Variants in STON2 observed in about 807,000 individuals in gnomAD.
The protein encoded by STON2 is stonin 2, also known as stonin-2.
STON2 carries 29 observed loss-of-function variants against 65.7 expected under a neutral mutation model. That is an observed-to-expected ratio of 0.44 (90% CI 0.33 to 0.60). STON2 has a LOEUF of 0.60. STON2 is among the 20% of genes least tolerant of loss of function. The pLI, the probability that STON2 is intolerant of heterozygous loss-of-function variation, is 0.03. For missense variants in STON2, 1,054 were observed against 1,118.1 expected (o/e 0.94, Z 0.82); for synonymous variants, 404 against 414.2 (o/e 0.98, Z 0.30).
chr14:81,302,987 G>T (rs879353004), intron 5 of STON2, among the ~76,000 whole-genome samples: 5 of 152,068 alleles, frequency 3.3e-5, no homozygotes, highest in African/African-American at 7.2e-5. Flanking sequence ...TTGCTGAGTT[G>T]ATTGCTTTTG....
At chr14:81,360,019 AGG>A (rs1235858275) in intron 4 of STON2, among the ~76,000 whole-genome samples, 6 of 152,188 alleles carry the variant, frequency 3.9e-5, no homozygotes, top group African/African-American at 1.4e-4. Context: ...CATTCCTGGG[AGG>A]TTGAGGCTGC....
intron 4 of STON2, among the ~76,000 whole-genome samples, chr14:81,351,583 G>T (rs1340175423): frequency 6.6e-6 from 1 of 152,204 alleles, no homozygotes; most frequent in African/African-American, 2.4e-5. Context: ...GGATAAAAAT[G>T]GAGTTATTAA....
At chr14:81,399,989 C>T (rs1468921786) in intron 1 of STON2, among the ~76,000 whole-genome samples, 2 of 152,174 alleles carry the variant, frequency 1.3e-5, no homozygotes, top group Non-Finnish European at 2.9e-5. Context: ...TCTTCTGCAG[C>T]CAAAACACTC....
rs1894209814 is a variant in STON2, at chr14:81,262,968, C to A, written c.*5446G>T. Reference sequence around the variant, plus strand: ...GGTTTGTGGGGAATTAGCACTTAGACCTTGGTAATGTTTAGAAATCATCTT... The same window carrying A: ...GGTTTGTGGGGAATTAGCACTTAGAACTTGGTAATGTTTAGAAATCATCTT... On this transcript the variant is annotated 3_prime_UTR_variant, in exon 8 of 8. Coordinates refer to ENST00000614646, the MANE Select transcript of STON2 (RefSeq NM_001394390.1). 1.0e-6 allele frequency: 1 copy of A among 985,240 alleles called. No homozygotes were observed. Among genetic ancestry groups the A allele is most frequent in the Non-Finnish European group, 1.2e-6 (1 of 829,826 alleles). 61.0% of individuals were successfully genotyped at this position (985,240 alleles called of 1,614,324 possible).
At chr14:81,340,867 T>C (rs1317411949) in intron 4 of STON2, among the ~76,000 whole-genome samples, 9 of 151,356 alleles carry the variant, frequency 5.9e-5, no homozygotes, top group Non-Finnish European at 1.3e-4. Flanking sequence ...TATCAATATA[T>C]ACTATATAGA....
chr14:81,436,116 A>G (rs1347353110), intron 1 of STON2: 1 of 151,436 alleles, frequency 6.6e-6, no homozygotes, highest in African/African-American at 2.4e-5. Flanking sequence ...GTCCTCCCCC[A>G]CCCCGGGACG....
chr14:81,398,681 T>C (rs538002642), intron 1 of STON2, 101 bp from the exon 2 acceptor site: 4 of 250,280 alleles, frequency 1.6e-5, no homozygotes, highest in Non-Finnish European at 2.3e-5. Flanking sequence ...ACAAGAAGGC[T>C]TGGGGTGGTT....
At chr14:81,320,024 T>G (rs980680673) in intron 5 of STON2, among the ~76,000 whole-genome samples, 1 of 152,162 alleles carries the variant, frequency 6.6e-6, no homozygotes, top group East Asian at 1.9e-4. Flanking sequence ...AGTCTATGGA[T>G]CTGGATGGAT....
In STON2 at chr14:81,277,741, T is replaced by G; in HGVS notation, c.1741A>C (p.Arg581=). The change falls in exon 6 of 8, where the codon AGG becomes CGG. Residue 581 remains arginine, a synonymous_variant. Transcript: ENST00000614646. The part of the protein sequence containing the change: ...PKPAVAHTAE[R]EQVIKLGTTN... ...GTGCCCAGCTTAATCACCTGTTCCC[T>G]CTCTGCTGTGTGGGCCACAGCAGGT... The G allele has an allele frequency of 6.2e-7, 1 of 1,614,210 alleles. No individual in the cohort carries two copies. The highest frequency in any genetic ancestry group is 1.3e-5 in the African/African-American group (1 of 75,064).
In STON2 at chr14:81,267,980, T is replaced by C. The variant is rs1253135318; in HGVS notation, c.*434A>G. The C allele has an allele frequency of 1.7e-5, 17 of 986,690 alleles. No homozygotes were observed. Among genetic ancestry groups the C allele is most frequent in the Non-Finnish European group, 1.9e-5 (16 of 830,826 alleles). 61.1% of individuals were successfully genotyped at this position (986,690 alleles called of 1,614,324 possible). ...AGAGTGAAAGAGATGGATTCTTAAT[T>C]AACTTCTCAAGACTGCCTTTGCCAG... On this transcript the variant is annotated 3_prime_UTR_variant, in exon 8 of 8. Transcript: ENST00000614646.
rs568683382 is a variant in STON2 at position 81,427,071 on chromosome 14, A to G, written c.-199+31T>C. ...TAGGTTCCCTTTACAGAGATAAGGAAACTGAGGCTCAGGGAGATTAAATAG... is the reference window on the plus strand; with the variant it reads ...TAGGTTCCCTTTACAGAGATAAGGAGACTGAGGCTCAGGGAGATTAAATAG... On this transcript the variant is annotated intron_variant, in intron 2 of 8. Transcript: ENST00000553821. 4 of 152,328 alleles carry G rather than the reference A, an allele frequency of 2.6e-5. 1 individual carries two copies. The highest frequency in any genetic ancestry group is 9.6e-5 in the African/African-American group (4 of 41,580). The allele number at this position is 152,328 out of a possible 1,614,324, so 9.4% of individuals were successfully genotyped here. A position where few individuals can be genotyped will look rare whatever the true frequency, so the allele number is the denominator to read the frequency against.
In STON2 at chr14:81,319,316, A is replaced by AT. The variant is rs951342891; in HGVS notation, c.742+4700dup. 5.2e-3 allele frequency among the ~76,000 whole-genome samples: 776 copies of AT among 150,580 alleles called. 4 individuals are homozygous for AT. Among genetic ancestry groups the AT allele is most frequent in the African/African-American group, 0.017 (704 of 41,054 alleles). ...CTACATTATAAGTAATTTATACCTG[A>AT]TTTTTTTTTTCAATTGACTCTAAGA... On this transcript the variant is annotated intron_variant, in intron 5 of 7. Coordinates refer to ENST00000614646, the MANE Select transcript of STON2 (RefSeq NM_001394390.1).
intron 4 of STON2, among the ~76,000 whole-genome samples, chr14:81,364,947 C>T (rs1211052827): frequency 2.0e-5 from 3 of 152,136 alleles, no homozygotes; most frequent in African/African-American, 7.2e-5. Flanking sequence ...AATGTGTGTG[C>T]TGAGCTAATG....
intron 1 of STON2, among the ~76,000 whole-genome samples, chr14:81,433,993 C>A (rs1180474154): frequency 6.6e-6 from 1 of 152,150 alleles, no homozygotes; most frequent in Non-Finnish European, 1.5e-5. Flanking sequence ...GCACAAGAGA[C>A]TTGCTCATCA....
intron 5 of STON2, among the ~76,000 whole-genome samples, chr14:81,323,151 C>A (rs1423334194): frequency 6.6e-6 from 1 of 152,192 alleles, no homozygotes; most frequent in Admixed American, 6.5e-5. Flanking sequence ...GAGGCAGCAA[C>A]TTTATTCCTT....
intron 3 of STON2, among the ~76,000 whole-genome samples, chr14:81,386,319 A>G (rs555722817): frequency 7.9e-5 from 12 of 152,268 alleles, no homozygotes; most frequent in African/African-American, 2.6e-4. Flanking sequence ...GGGTTGGGAT[A>G]TCTTATTCCA....
rs561647335 is a variant in STON2 at position 81,284,854 on chromosome 14, A to C, written c.743-6115T>G. Among the ~76,000 whole-genome samples the C allele has an allele frequency of 8.1e-4, 123 of 152,322 alleles. 1 individual carries two copies. The highest frequency in any genetic ancestry group is 9.0e-4 in the Non-Finnish European group (61 of 68,024). On this transcript the variant is annotated intron_variant, in intron 5 of 7. Coordinates refer to ENST00000614646, the MANE Select transcript of STON2 (RefSeq NM_001394390.1). ...GCCATTGCTCATTAACCATTCAAAA[A>C]ATCTTAGCACCCTTAAGAATTATGC...
At chr14:81,430,284 T>C (rs572906011) in intron 1 of STON2, among the ~76,000 whole-genome samples, 1 of 152,354 alleles carries the variant, frequency 6.6e-6, no homozygotes, top group South Asian at 2.1e-4. Flanking sequence ...ATATAAATAT[T>C]ATGTCTTTTC....
intron 2 of STON2, among the ~76,000 whole-genome samples, chr14:81,423,029 T>G (rs897621044): frequency 5.7e-5 from 8 of 141,558 alleles, no homozygotes; most frequent in Non-Finnish European, 1.2e-4. Context: ...GGCAAGACTC[T>G]GTCTCAAAAA....
Sources: allele counts gnomAD v4.1 joint callset (sites outside exome capture counted in the v4.1 genomes callset), GRCh38; gene constraint gnomAD v4.1.1; transcripts MANE v1.5; gene names NCBI Gene and HGNC (gene_info 2026-07-23, HGNC 2026-07-21).